The following SHC3 variants were observed in gnomAD, a reference collection of about 807,000 sequenced individuals.
SHC3 encodes SHC-transforming protein 3.
A neutral mutation model predicts 60.4 loss-of-function variants in SHC3; 15 were observed. That is an observed-to-expected ratio of 0.25 (90% CI 0.17 to 0.38). SHC3 has a LOEUF of 0.38. Ranked by LOEUF, SHC3 falls within the 10% of genes least tolerant of loss-of-function variation. SHC3 has a pLI of 1.00. For missense variants in SHC3, 677 were observed against 786.1 expected (o/e 0.86, Z 1.66); for synonymous variants, 294 against 325.9 (o/e 0.90, Z 1.05).
At chr9:89,148,188 T>C (rs1274232465) in intron 1 of SHC3, among the ~76,000 whole-genome samples, 1 of 152,230 alleles carries the variant, frequency 6.6e-6, no homozygotes, top group Non-Finnish European at 1.5e-5. Flanking sequence ...TTGAACATTG[T>C]CTGATTGCGT....
chr9:89,035,182 C>T (rs549120966), intron 11 of SHC3, among the ~76,000 whole-genome samples: 2 of 152,302 alleles, frequency 1.3e-5, no homozygotes, highest in South Asian at 4.1e-4. Context: ...CTCTCTCAAA[C>T]TGTCTTTTTC....
At chr9:89,150,897 C>CT (rs755864764) in intron 1 of SHC3, among the ~76,000 whole-genome samples, 63 of 151,822 alleles carry the variant, frequency 4.1e-4, no homozygotes, top group Admixed American at 3.9e-4. Context: ...TTAATTATAG[C>CT]TTTTTTTGTT....
chr9:89,029,548 T>C (rs1248810485), intron 11 of SHC3, among the ~76,000 whole-genome samples: 1 of 151,940 alleles, frequency 6.6e-6, no homozygotes, highest in Non-Finnish European at 1.5e-5. Flanking sequence ...AGCAGTCTGG[T>C]AAAAAGTGAG....
chr9:89,172,992 T>C (rs372658598), intron 1 of SHC3, among the ~76,000 whole-genome samples: 17 of 152,270 alleles, frequency 1.1e-4, no homozygotes, highest in African/African-American at 3.1e-4. Context: ...CCTGGGCCCG[T>C]CTCTTCCAAT....
chr9:89,168,140 C>T (rs926908584), intron 1 of SHC3, among the ~76,000 whole-genome samples: 10 of 152,184 alleles, frequency 6.6e-5, no homozygotes, highest in African/African-American at 2.2e-4. Context: ...CTATAGTAAA[C>T]CCTAAACAAA....
At chr9:89,064,031 C>T (rs746740582) in intron 6 of SHC3, among the ~76,000 whole-genome samples, 41 of 152,300 alleles carry the variant, frequency 2.7e-4, no homozygotes, top group African/African-American at 7.7e-4. Context: ...TTGCAGACGG[C>T]GCTTTCTTGC....
Position 89,028,632 on chromosome 9 carries a change from T to C in SHC3, c.1656+9361A>G, listed in dbSNP as rs1824413737. Among the ~76,000 whole-genome samples, 3 of 146,886 alleles carry C rather than the reference T, an allele frequency of 2.0e-5. No individual in the cohort carries two copies. In the South Asian group the frequency reaches 6.3e-4, roughly 31 times the overall value. On this transcript the variant is annotated intron_variant, in intron 11 of 11. Transcript: ENST00000375835. ...ATGCTATAGATATAGATTATCTCTC[T>C]ATATAGATATCTATATAGAATATAT...
intron 1 of SHC3, among the ~76,000 whole-genome samples, chr9:89,165,685 A>C (rs933063141): frequency 3.3e-5 from 5 of 152,200 alleles, no homozygotes; most frequent in African/African-American, 9.7e-5. Flanking sequence ...GGGGGGTCTC[A>C]GATTTGGGGA....
intron 5 of SHC3, among the ~76,000 whole-genome samples, chr9:89,067,623 C>A (rs1825204488): frequency 6.6e-6 from 1 of 152,120 alleles, no homozygotes; most frequent in African/African-American, 2.4e-5. Context: ...GAAGTTTCTG[C>A]TTGAATAGAA....
chr9:89,075,048 C>T, intron 4 of SHC3, 61 bp downstream of exon 4: 1 of 1,576,368 alleles, frequency 6.3e-7, no homozygotes, highest in Non-Finnish European at 8.6e-7. Context: ...AGGAAGAAGC[C>T]TGCGAAACAC....
At chr9:89,106,174 G>C (rs376985543) in intron 2 of SHC3, among the ~76,000 whole-genome samples, 13 of 152,198 alleles carry the variant, frequency 8.5e-5, no homozygotes, top group African/African-American at 3.1e-4. Context: ...AGTGTGGGCT[G>C]GTACCCAGGA....
chr9:89,117,079 C>T (rs536168031), intron 1 of SHC3, among the ~76,000 whole-genome samples: 88 of 152,134 alleles, frequency 5.8e-4, no homozygotes, highest in Non-Finnish European at 9.4e-4. Context: ...TGGTTACCAC[C>T]CACTAACATA....
chr9:89,064,647 G>A (rs1438554539), intron 6 of SHC3, among the ~76,000 whole-genome samples: 1 of 152,080 alleles, frequency 6.6e-6, no homozygotes, highest in Non-Finnish European at 1.5e-5. Context: ...GCAGTGGCGT[G>A]GGGGATGATT....
intron 5 of SHC3, among the ~76,000 whole-genome samples, chr9:89,070,198 T>C (rs1015226052): frequency 4.6e-5 from 7 of 152,250 alleles, no homozygotes; most frequent in African/African-American, 1.7e-4. Flanking sequence ...AAGATCATTT[T>C]TCAATTGAAT....
At chr9:89,155,217 G>A (rs1272698383) in intron 1 of SHC3, among the ~76,000 whole-genome samples, 2 of 152,050 alleles carry the variant, frequency 1.3e-5, no homozygotes, top group Admixed American at 1.3e-4. Flanking sequence ...CTCAGCCTTG[G>A]GCCCCAGACT....
intron 1 of SHC3, among the ~76,000 whole-genome samples, chr9:89,169,954 TG>T (rs565571303): frequency 1.5e-3 from 229 of 152,152 alleles, no homozygotes; most frequent in Middle Eastern, 6.8e-3. Flanking sequence ...GAGATCAGTG[TG>T]AGGCGGGTTA....
chr9:89,031,249 C>T (rs916660317), intron 11 of SHC3, among the ~76,000 whole-genome samples: 1 of 152,172 alleles, frequency 6.6e-6, no homozygotes, highest in Admixed American at 6.5e-5. Context: ...GAGATATAAT[C>T]TAGACACCAC....
chr9:89,028,873 A>C (rs939026130), intron 11 of SHC3, among the ~76,000 whole-genome samples: 2 of 147,806 alleles, frequency 1.4e-5, no homozygotes, highest in African/African-American at 4.9e-5. Flanking sequence ...TAGATTAGAT[A>C]TATATCTAGA....
chr9:89,060,909 G>T (rs1012278967), intron 6 of SHC3, among the ~76,000 whole-genome samples: 1 of 152,190 alleles, frequency 6.6e-6, no homozygotes, highest in South Asian at 2.1e-4. Flanking sequence ...GTCGGGAAGG[G>T]GTTGCGGTTG....
Sources: gnomAD v4.1 joint callset for allele counts (sites outside exome capture counted in the v4.1 genomes callset) on GRCh38, gnomAD v4.1.1 for gene constraint, MANE v1.5 for transcripts, NCBI Gene and HGNC (gene_info 2026-07-23, HGNC 2026-07-21) for gene names.